Variants in MAF observed in about 807,000 individuals in gnomAD.
MAF encodes the protein transcription factor Maf.
Under a neutral mutation model 22.0 loss-of-function variants are expected in MAF, and 10 were observed. That is an observed-to-expected ratio of 0.45 (90% CI 0.28 to 0.77). The LOEUF is 0.77. MAF is among the 30% of genes least tolerant of loss of function. MAF has a pLI of 0.12. For synonymous variants in MAF, 337 were observed against 255.8 expected (o/e 1.32, Z -3.03); for missense variants, 544 against 548.4 (o/e 0.99, Z 0.08).
chr16:79,429,644 G>A, the MAF span, among the ~76,000 whole-genome samples: 1 of 152,238 alleles, frequency 6.6e-6, no homozygotes, highest in East Asian at 1.9e-4. Flanking sequence ...GGTTTCTCGG[G>A]CTCCTCTCCC....
the MAF span, among the ~76,000 whole-genome samples, chr16:79,245,788 C>T: frequency 6.6e-6 from 1 of 152,024 alleles, no homozygotes; most frequent in Non-Finnish European, 1.5e-5. Context: ...TTCACAATAG[C>T]AAAGACTTGG....
the MAF span, among the ~76,000 whole-genome samples, chr16:79,567,092 G>A: frequency 1.3e-5 from 2 of 152,212 alleles, no homozygotes; most frequent in Non-Finnish European, 2.9e-5. Flanking sequence ...GGCTAAGGCA[G>A]GCAGATCACA....
the MAF span, among the ~76,000 whole-genome samples, chr16:79,503,930 T>C: frequency 2.6e-5 from 4 of 152,260 alleles, no homozygotes; most frequent in African/African-American, 9.6e-5. Context: ...AGGCCAAATA[T>C]TAATAAATAA....
At chr16:79,218,673 C>A in the MAF span, among the ~76,000 whole-genome samples, 1 of 152,198 alleles carries the variant, frequency 6.6e-6, no homozygotes, top group African/African-American at 2.4e-5. Flanking sequence ...AGCAGCCAGC[C>A]TCCTTATTTA....
chr16:79,216,452 C>A, the MAF span, among the ~76,000 whole-genome samples: 1 of 152,192 alleles, frequency 6.6e-6, no homozygotes, highest in Non-Finnish European at 1.5e-5. Flanking sequence ...AAGTGATATT[C>A]AGTAGAAACT....
the MAF span, among the ~76,000 whole-genome samples, chr16:79,474,408 G>T: frequency 6.6e-6 from 1 of 152,156 alleles, no homozygotes; most frequent in South Asian, 2.1e-4. Context: ...GTGAGAGATG[G>T]CTGAGCAAGT....
At chr16:79,565,623 C>A in the MAF span, among the ~76,000 whole-genome samples, 1 of 152,128 alleles carries the variant, frequency 6.6e-6, no homozygotes, top group Non-Finnish European at 1.5e-5. Flanking sequence ...CTTTTCCCTT[C>A]GCTCAGCACT....
the MAF span, among the ~76,000 whole-genome samples, chr16:79,381,263 C>A: frequency 6.6e-6 from 1 of 152,220 alleles, no homozygotes; most frequent in African/African-American, 2.4e-5. Flanking sequence ...AGGGTTTAGA[C>A]TAATTGTGGT....
At chr16:79,362,195 A>T in the MAF span, among the ~76,000 whole-genome samples, 3 of 152,204 alleles carry the variant, frequency 2.0e-5, no homozygotes, top group African/African-American at 7.2e-5. Flanking sequence ...ATCCAAGGTA[A>T]GTATGTAGAC....
the MAF span, among the ~76,000 whole-genome samples, chr16:79,559,954 A>G: frequency 0.022 from 3,275 of 152,250 alleles, 56 homozygotes; most frequent in Middle Eastern, 0.061. Context: ...TCTAGGCTGG[A>G]GTGCAGTGAC....
At chr16:79,323,984 A>C in the MAF span, among the ~76,000 whole-genome samples, 1 of 152,180 alleles carries the variant, frequency 6.6e-6, no homozygotes, top group African/African-American at 2.4e-5. Context: ...TCCAGAGCGT[A>C]TGCATCTTCA....
At chr16:79,244,536 A>G in the MAF span, among the ~76,000 whole-genome samples, 2 of 152,056 alleles carry the variant, frequency 1.3e-5, no homozygotes, top group Non-Finnish European at 1.5e-5. Context: ...CTTCAAGGAG[A>G]ACTACAAACC....
At chr16:79,339,325 C>A in the MAF span, among the ~76,000 whole-genome samples, 1 of 152,198 alleles carries the variant, frequency 6.6e-6, no homozygotes, top group African/African-American at 2.4e-5. Context: ...TCCCAGAGTG[C>A]TGGGATTACA....
the MAF span, among the ~76,000 whole-genome samples, chr16:79,526,262 C>T: frequency 6.6e-6 from 1 of 152,094 alleles, no homozygotes; most frequent in Non-Finnish European, 1.5e-5. Flanking sequence ...GAAACTATTC[C>T]ACCTCAGATT....
chr16:79,595,935 A>G, intron 1 of MAF: 1 of 1,060,724 alleles, frequency 9.4e-7, no homozygotes, highest in Non-Finnish European at 1.1e-6. Flanking sequence ...AGAAAAGCAA[A>G]ACAAAACAAA....
the MAF span, among the ~76,000 whole-genome samples, chr16:79,424,989 C>T: frequency 6.6e-6 from 1 of 152,062 alleles, no homozygotes; most frequent in Non-Finnish European, 1.5e-5. Flanking sequence ...TGAAGGTATA[C>T]TCTGATGCTC....
At chr16:79,438,363 G>A in the MAF span, among the ~76,000 whole-genome samples, 1 of 152,314 alleles carries the variant, frequency 6.6e-6, no homozygotes, top group African/African-American at 2.4e-5. Flanking sequence ...TGGCTCTTAG[G>A]CTTCGCCACA....
At chr16:79,373,767 A>T in the MAF span, among the ~76,000 whole-genome samples, 4 of 152,094 alleles carry the variant, frequency 2.6e-5, no homozygotes, top group Admixed American at 6.6e-5. Context: ...CAGACTCTGC[A>T]AAGTCCCAGC....
chr16:79,289,434 G>A, the MAF span, among the ~76,000 whole-genome samples: 1 of 152,164 alleles, frequency 6.6e-6, no homozygotes, highest in Non-Finnish European at 1.5e-5. Flanking sequence ...TCACCTGGGG[G>A]ACTGTTTGGC....
Sources: gnomAD v4.1 joint callset for allele counts (sites outside exome capture counted in the v4.1 genomes callset) on GRCh38, gnomAD v4.1.1 for gene constraint, MANE v1.5 for transcripts, NCBI Gene and HGNC (gene_info 2026-07-23, HGNC 2026-07-21) for gene names.